The following NCAPD3 variants were observed in gnomAD, a reference collection of about 807,000 sequenced individuals.
NCAPD3 encodes condensin-2 complex subunit D3.
NCAPD3 carries 105 observed loss-of-function variants against 182.9 expected under a neutral mutation model. The observed-to-expected ratio is 0.57, with a 90% CI of 0.49 to 0.68. NCAPD3 has a LOEUF of 0.68. NCAPD3 is among the 30% of genes least tolerant of loss of function. NCAPD3 has a pLI of 0.00. For missense variants in NCAPD3, 1,944 were observed against 1,837.0 expected (o/e 1.06, Z -1.07); for synonymous variants, 815 against 679.9 (o/e 1.20, Z -3.09).
At position 134,162,621 on chromosome 11, in the gene NCAPD3, A is replaced by G. The variant is rs574807367; in HGVS notation, c.3574-730T>C. 2.0e-5 allele frequency among the ~76,000 whole-genome samples: 3 copies of G among 152,358 alleles called. No individual in the cohort carries two copies. In the East Asian group the frequency reaches 5.8e-4, roughly 29 times the overall value. ...CCTTGTAAACTACTCATTTCTAAAA[A>G]GTCTTATCAGAGTTCCTGAAACAGA... On this transcript the variant is annotated intron_variant, in intron 27 of 34. Coordinates refer to ENST00000534548, the MANE Select transcript of NCAPD3 (RefSeq NM_015261.3).
At chr11:134,201,026 AT>A (rs566027829) in intron 13 of NCAPD3, among the ~76,000 whole-genome samples, 8,705 of 140,088 alleles carry the variant, frequency 0.062, 676 homozygotes, top group African/African-American at 0.21. Context: ...AGAATAGGCA[AT>A]TTTTTTTTTT....
At chr11:134,203,468 G>A (rs531251835) in intron 11 of NCAPD3, among the ~76,000 whole-genome samples, 186 bp downstream of exon 11, 1 of 152,310 alleles carries the variant, frequency 6.6e-6, no homozygotes, top group African/African-American at 2.4e-5. Flanking sequence ...AAAAGGCCTT[G>A]CAAATGTATC....
Position 134,220,732 on chromosome 11 carries a change from G to A in NCAPD3, c.65-6C>T, listed in dbSNP as rs777280049. 1 of 1,609,274 alleles carries A rather than the reference G, an allele frequency of 6.2e-7. No homozygotes were observed. The highest frequency in any genetic ancestry group is 2.2e-5 in the East Asian group (1 of 44,692). On this transcript the variant is annotated splice_region_variant and splice_polypyrimidine_tract_variant and intron_variant, in intron 1 of 34. Transcript: ENST00000534548. ...CCACACTGTGTCAACCCATTCTAGGGGAAAATGCAATGAAATGTGTAAGTA... is the reference window on the plus strand; with the variant it reads ...CCACACTGTGTCAACCCATTCTAGGAGAAAATGCAATGAAATGTGTAAGTA...
chr11:134,211,342 A>G (rs1019257514), intron 3 of NCAPD3, among the ~76,000 whole-genome samples: 1 of 152,218 alleles, frequency 6.6e-6, no homozygotes, highest in Non-Finnish European at 1.5e-5. Flanking sequence ...GACACTCAAC[A>G]ACATTCCAAA....
chr11:134,217,699 T>A (rs977420957), intron 2 of NCAPD3, among the ~76,000 whole-genome samples: 7 of 152,164 alleles, frequency 4.6e-5, no homozygotes, highest in African/African-American at 1.7e-4. Context: ...AACCTAAACA[T>A]AGCAGGAACT....
rs964283058 is a variant in NCAPD3 at position 134,152,942 on chromosome 11, G to A, written c.*2C>T. 1.9e-6 allele frequency: 3 copies of A among 1,544,128 alleles called. No individual in the cohort carries two copies. Among genetic ancestry groups the A allele is most frequent in the African/African-American group, 2.8e-5 (2 of 72,524 alleles). ...TGCCTGGACACTGGTGGGAGGCGCT[G>A]TTTAGTTGGCTGTTTTCAGAGGGGT... On this transcript the variant is annotated 3_prime_UTR_variant, in exon 35 of 35. Transcript: ENST00000534548.
chr11:134,161,048 G>A (rs1943563774), intron 28 of NCAPD3, among the ~76,000 whole-genome samples: 1 of 151,400 alleles, frequency 6.6e-6, no homozygotes, highest in South Asian at 2.1e-4. Flanking sequence ...TTCCTACCTT[G>A]GCTTCCTAGT....
intron 16 of NCAPD3, chr11:134,186,185 TA>T (rs1262418615): frequency 6.6e-6 from 1 of 152,232 alleles, no homozygotes; most frequent in African/African-American, 2.4e-5. Context: ...TCTGATGTAC[TA>T]AAGTGTTTGT....
chr11:134,223,565 T>C (rs1322737594), intron 1 of NCAPD3: 7 of 689,890 alleles, frequency 1.0e-5, no homozygotes, highest in African/African-American at 7.0e-5. Context: ...TAAGAATAGA[T>C]AGGTGCACGA....
intron 3 of NCAPD3, among the ~76,000 whole-genome samples, chr11:134,211,706 A>C (rs1027612380): frequency 6.6e-6 from 1 of 152,118 alleles, no homozygotes; most frequent in Non-Finnish European, 1.5e-5. Flanking sequence ...AAAAAAAAAA[A>C]TTTTAAAGAA....
rs1019192719 is a variant in NCAPD3 at position 134,200,484 on chromosome 11, A to G, written c.1615+2332T>C. Among the ~76,000 whole-genome samples the G allele has an allele frequency of 5.3e-5, 8 of 152,226 alleles. No individual in the cohort carries two copies. The South Asian group carries it at 6.2e-4, about 12-fold the overall frequency. On this transcript the variant is annotated intron_variant, in intron 13 of 34. Coordinates refer to ENST00000534548, the MANE Select transcript of NCAPD3 (RefSeq NM_015261.3). ...CAATAAGCCTATGAAAATTTACTCA[A>G]CATCATTAGCCATTAGGGAAATGTA... is the stretch of plus-strand genomic sequence containing the variant.
rs773824610 is a variant in NCAPD3 at position 134,168,560 on chromosome 11, CTCTT to C, written c.3278_3281del (p.Lys1093ArgfsTer4). The C allele has an allele frequency of 1.5e-5, 24 of 1,613,966 alleles. No individual in the cohort carries two copies. The highest frequency in any genetic ancestry group is 2.2e-5 in the East Asian group (1 of 44,902). ...GAAATTTGTAGATTTTCATTCGTCT[CTCTT>C]TGTTTGACTTTCCCTTCAATGAAAA... On this transcript the variant is annotated frameshift_variant, in exon 26 of 35. Transcript: ENST00000534548. LOFTEE classifies it high-confidence loss of function.
At chr11:134,198,273 C>T (rs1366487014) in intron 13 of NCAPD3, among the ~76,000 whole-genome samples, 2 of 152,204 alleles carry the variant, frequency 1.3e-5, no homozygotes, top group African/African-American at 2.4e-5. Flanking sequence ...TTAGTCTCCA[C>T]CACCCTTTAT....
At position 134,208,775 on chromosome 11, in the gene NCAPD3, T is replaced by C. The variant is rs554558053; in HGVS notation, c.882+89A>G. 7.3e-6 allele frequency: 6 copies of C among 823,408 alleles called. No individual in the cohort carries two copies. In the Admixed American group the frequency reaches 1.3e-4, roughly 18 times the overall value. 51.0% of individuals were successfully genotyped at this position (823,408 alleles called of 1,614,324 possible). On this transcript the variant is annotated intron_variant, in intron 7 of 34. Transcript: ENST00000534548. ...ATGAGCTAGTAAATTGAAATGGCAT[T>C]ATATCAAATGCTTTTAACATATTTC... is the stretch of plus-strand genomic sequence containing the variant.
At chr11:134,177,494 C>G in intron 22 of NCAPD3, 37 bp from the exon 23 acceptor site, 1 of 1,565,018 alleles carries the variant, frequency 6.4e-7, no homozygotes. Context: ...CAACTGTATT[C>G]TAAATCCTAA....
At chr11:134,190,556 G>A (rs978835674) in intron 16 of NCAPD3, among the ~76,000 whole-genome samples, 16 of 152,122 alleles carry the variant, frequency 1.1e-4, no homozygotes, top group East Asian at 3.9e-4. Context: ...GTGCAATTAC[G>A]GCTCACTGCA....
chr11:134,198,489 C>A (rs890353771), intron 13 of NCAPD3, among the ~76,000 whole-genome samples: 26 of 152,220 alleles, frequency 1.7e-4, no homozygotes, highest in Non-Finnish European at 2.6e-4. Context: ...CTGCACCCAA[C>A]CACCTTGGGC....
At position 134,177,385 on chromosome 11, in the gene NCAPD3, C is replaced by T. The variant is rs758160251; in HGVS notation, c.2855G>A (p.Cys952Tyr). Residue 952 changes from cysteine to tyrosine, a missense_variant, in exon 23 of 35, where the codon TGT (cysteine) becomes TAT (tyrosine). By Grantham distance (194) the Cys-to-Tyr change is radical (BLOSUM62 -2). Coordinates refer to ENST00000534548, the MANE Select transcript of NCAPD3 (RefSeq NM_015261.3). ...IPALVRELEV[C>Y]EDVAVRNNVI... ...GTTGTTGCGGACAGCCACGTCCTCA[C>T]ACACCTCGAGCTCTCGCACCAGGGC... 1 of 1,614,268 alleles carries T rather than the reference C, an allele frequency of 6.2e-7. No individual in the cohort carries two copies. Among genetic ancestry groups the T allele is most frequent in the Non-Finnish European group, 8.5e-7 (1 of 1,180,052 alleles).
chr11:134,210,100 G>C (rs1937774981), intron 4 of NCAPD3, among the ~76,000 whole-genome samples, 170 bp downstream of exon 4: 1 of 152,060 alleles, frequency 6.6e-6, no homozygotes, highest in Admixed American at 6.6e-5. Flanking sequence ...AAGAAAGAAA[G>C]AAAAATTATA....
Sources: gnomAD v4.1 joint callset for allele counts (sites outside exome capture counted in the v4.1 genomes callset) on GRCh38, gnomAD v4.1.1 for gene constraint, MANE v1.5 for transcripts, NCBI Gene and HGNC (gene_info 2026-07-23, HGNC 2026-07-21) for gene names.